The following STX12 variants were observed in gnomAD, a reference collection of about 807,000 sequenced individuals.
STX12 encodes syntaxin 12, also known as syntaxin-12.
STX12 carries 17 observed loss-of-function variants against 42.2 expected under a neutral mutation model. The ratio of observed to expected loss-of-function variants is 0.40; its 90% CI spans 0.28 to 0.60. The LOEUF (loss-of-function observed/expected upper bound fraction) is 0.60. Among genes scored for constraint, STX12 ranks in the 20% least tolerant of loss-of-function variants. The pLI, the probability that STX12 is intolerant of heterozygous loss-of-function variation, is 0.39. For missense variants in STX12, 297 were observed against 330.9 expected (o/e 0.90, Z 0.79); for synonymous variants, 108 against 116.7 (o/e 0.93, Z 0.48).
chr1:27,786,577 TCTCTTTTCCTTAGAAGACTCTCG>T (rs2088700641), intron 1 of STX12, among the ~76,000 whole-genome samples: 1 of 152,194 alleles, frequency 6.6e-6, no homozygotes, highest in East Asian at 1.9e-4. Flanking sequence ...TTATTGTCTA[TCTCTTTTCCTTAGAAGACTCTCG>T]AAGGCAAGTG....
At chr1:27,782,474 T>C (rs2088674019) in intron 1 of STX12, among the ~76,000 whole-genome samples, 1 of 152,176 alleles carries the variant, frequency 6.6e-6, no homozygotes, top group African/African-American at 2.4e-5. Context: ...AGGAAAATTA[T>C]ACCTTTGATA....
rs878927833 is a variant in STX12, at chr1:27,823,810, G to A, written c.*1481G>A. 6.6e-6 allele frequency: 1 copy of A among 152,624 alleles called. No individual in the cohort carries two copies. The highest frequency in any genetic ancestry group is 1.5e-5 in the Non-Finnish European group (1 of 68,050). 9.5% of individuals were successfully genotyped at this position (152,624 alleles called of 1,614,324 possible). On this transcript the variant is annotated 3_prime_UTR_variant, in exon 9 of 9. Transcript: ENST00000373943. ...ATGAGTTAACATCCTAATGTGGTAG[G>A]TATTAGGTAATGTGCTGTCATGAGA... is the stretch of plus-strand genomic sequence containing the variant.
chr1:27,797,680 C>G (rs1048121885), intron 3 of STX12, among the ~76,000 whole-genome samples: 2 of 152,100 alleles, frequency 1.3e-5, no homozygotes, highest in African/African-American at 4.8e-5. Context: ...ATCTTCAATT[C>G]ATGTTCTGAC....
intron 1 of STX12, among the ~76,000 whole-genome samples, chr1:27,778,535 C>A (rs956436285): frequency 1.8e-4 from 27 of 151,928 alleles, no homozygotes; most frequent in African/African-American, 6.3e-4. Flanking sequence ...TACTAAAAAT[C>A]AAAAAGTAAG....
chr1:27,788,691 T>C (rs2088716582), intron 1 of STX12, among the ~76,000 whole-genome samples: 1 of 152,166 alleles, frequency 6.6e-6, no homozygotes, highest in African/African-American at 2.4e-5. Context: ...TCTCTCTAAA[T>C]ACACTTCCTT....
chr1:27,774,508 C>T (rs542717201), intron 1 of STX12, among the ~76,000 whole-genome samples: 7 of 152,048 alleles, frequency 4.6e-5, no homozygotes, highest in Non-Finnish European at 8.8e-5. Context: ...ACTTTGCTTT[C>T]GTTTTTAAAC....
intron 4 of STX12, among the ~76,000 whole-genome samples, chr1:27,806,792 C>T (rs2088865029): frequency 1.3e-5 from 2 of 152,144 alleles, no homozygotes; most frequent in African/African-American, 4.8e-5. Flanking sequence ...CCTCAGGAAA[C>T]TTACAACCAT....
chr1:27,786,600 G>A lies in STX12; in HGVS notation c.119-2962G>A, dbSNP rs564634834. Among the ~76,000 whole-genome samples the A allele has an allele frequency of 5.3e-5, 8 of 151,998 alleles. No individual in the cohort carries two copies. In the East Asian group the frequency reaches 7.7e-4, roughly 15 times the overall value. On this transcript the variant is annotated intron_variant, in intron 1 of 8. Coordinates refer to ENST00000373943, the MANE Select transcript of STX12 (RefSeq NM_177424.3). ...TATCTCTTTTCCTTAGAAGACTCTCGAAGGCAAGTGTCTTCTAGGACATGG... is the reference window on the plus strand; with the variant it reads ...TATCTCTTTTCCTTAGAAGACTCTCAAAGGCAAGTGTCTTCTAGGACATGG...
chr1:27,803,021 A>G (rs1487020974), intron 4 of STX12, among the ~76,000 whole-genome samples: 1 of 152,244 alleles, frequency 6.6e-6, no homozygotes, highest in Non-Finnish European at 1.5e-5. Context: ...TATATTATCC[A>G]GCATGTAGCA....
At chr1:27,782,702 G>C (rs1320460993) in intron 1 of STX12, among the ~76,000 whole-genome samples, 1 of 152,104 alleles carries the variant, frequency 6.6e-6, no homozygotes, top group Non-Finnish European at 1.5e-5. Flanking sequence ...CCGGCATGGT[G>C]GTGGGCACCT....
chr1:27,789,923 G>C (rs1484889587), intron 2 of STX12, among the ~76,000 whole-genome samples: 2 of 152,164 alleles, frequency 1.3e-5, no homozygotes, highest in African/African-American at 2.4e-5. Context: ...ACTATATTCT[G>C]CTCACAACTC....
rs140453521 is a variant in STX12, at chr1:27,814,687, A to G, written c.576+2419A>G. On this transcript the variant is annotated intron_variant, in intron 6 of 8. Transcript: ENST00000373943. ...AACATGGTAAAACCCCGTGTCTACT[A>G]AAAACACAAAAAATTAGCCGGGTGT... 6.1e-3 allele frequency among the ~76,000 whole-genome samples: 930 copies of G among 152,112 alleles called. 12 individuals are homozygous for G. Among genetic ancestry groups the G allele is most frequent in the African/African-American group, 0.021 (880 of 41,480 alleles).
intron 3 of STX12, among the ~76,000 whole-genome samples, chr1:27,795,262 A>G (rs886138290): frequency 5.9e-5 from 9 of 151,978 alleles, no homozygotes; most frequent in African/African-American, 2.2e-4. Context: ...CTGTTGTTTC[A>G]TACATACATA....
chr1:27,796,733 G>A (rs1462330725), intron 3 of STX12, among the ~76,000 whole-genome samples: 13 of 142,824 alleles, frequency 9.1e-5, no homozygotes, highest in Non-Finnish European at 1.4e-4. Context: ...ACAGAGTTTC[G>A]CTCTTGTTGC....
At chr1:27,801,878 T>A in intron 4 of STX12, 63 bp downstream of exon 4, 2 of 1,535,352 alleles carry the variant, frequency 1.3e-6, no homozygotes, top group Non-Finnish European at 1.7e-6. Flanking sequence ...AGTTTGTGGG[T>A]TTTTTTCTTT....
At chr1:27,815,825 C>T (rs1218974564) in intron 6 of STX12, among the ~76,000 whole-genome samples, 1 of 152,180 alleles carries the variant, frequency 6.6e-6, no homozygotes, top group Non-Finnish European at 1.5e-5. Context: ...CATATGAGCA[C>T]CCCTTTAATA....
chr1:27,790,215 A>C (rs1456210754), intron 2 of STX12, among the ~76,000 whole-genome samples: 1 of 152,154 alleles, frequency 6.6e-6, no homozygotes, highest in Non-Finnish European at 1.5e-5. Flanking sequence ...GGTCTTGCTG[A>C]CTTCAACAAT....
In STX12 at chr1:27,822,240, C is replaced by T. The variant is rs781115502; in HGVS notation, c.742C>T (p.Arg248Cys). The T allele has an allele frequency of 3.3e-5, 53 of 1,608,380 alleles. No homozygotes were observed. Among genetic ancestry groups the T allele is most frequent in the South Asian group, 1.9e-4 (17 of 90,948 alleles). ...QRAAYYQKKS[R>C]KKMCILVLVL... ...ATATTTCTTTCCTCAGAAAAAATCT[C>T]GCAAGAAGATGTGTATCCTGGTGCT... Residue 248 changes from arginine (R) to cysteine (C), a missense_variant, in exon 9 of 9, where the codon CGC (arginine) becomes TGC (cysteine). Physicochemically the swap from Arg to Cys is radical, Grantham distance 180 (BLOSUM62 -3). Coordinates refer to ENST00000373943, the MANE Select transcript of STX12 (RefSeq NM_177424.3).
chr1:27,822,950 A>C lies in STX12; in HGVS notation c.*621A>C, dbSNP rs1362555242. 1 of 152,186 alleles carries C rather than the reference A, an allele frequency of 6.6e-6. No homozygotes were observed. Among genetic ancestry groups the C allele is most frequent in the Admixed American group, 6.5e-5 (1 of 15,272 alleles). 9.4% of individuals were successfully genotyped at this position (152,186 alleles called of 1,614,324 possible). A position where few individuals can be genotyped will look rare whatever the true frequency, so the allele number is the denominator to read the frequency against. ...AGTACATGTTACTAATCTGGGTTTAAAGTTTACTTCATTATCTGCTAGTGT... is the reference window on the plus strand; with the variant it reads ...AGTACATGTTACTAATCTGGGTTTACAGTTTACTTCATTATCTGCTAGTGT... On this transcript the variant is annotated 3_prime_UTR_variant, in exon 9 of 9. Coordinates refer to ENST00000373943, the MANE Select transcript of STX12 (RefSeq NM_177424.3).
Sources: allele counts gnomAD v4.1 joint callset (sites outside exome capture counted in the v4.1 genomes callset), GRCh38; gene constraint gnomAD v4.1.1; transcripts MANE v1.5; gene names NCBI Gene and HGNC (gene_info 2026-07-23, HGNC 2026-07-21).